The following COL19A1 variants were observed in gnomAD, a reference collection of about 807,000 sequenced individuals.
The protein encoded by COL19A1 is collagen type XIX alpha 1 chain.
Under a neutral mutation model 190.2 loss-of-function variants are expected in COL19A1, and 159 were observed. The observed-to-expected ratio is 0.84, with a 90% confidence interval of 0.73 to 0.95. COL19A1 has a LOEUF of 0.95. Among genes scored for constraint, COL19A1 ranks in the 40% least tolerant of loss-of-function variants. The probability of loss-of-function intolerance (pLI) is 0.00; values close to 1 mark genes in which losing one functional copy is unlikely to be tolerated. For synonymous variants in COL19A1, 509 were observed against 458.9 expected, an observed-to-expected ratio of 1.11 and a Z score of -1.39; for missense variants, 1,418 against 1,431.9, an observed-to-expected ratio of 0.99 and a Z score of 0.16.
chr6:70,196,073 C>G (rs1392254847), intron 48 of COL19A1, among the ~76,000 whole-genome samples: 1 of 152,148 alleles, frequency 6.6e-6, no homozygotes, highest in Non-Finnish European at 1.5e-5. Context: ...GTAGTAACCA[C>G]CTTTGGGTCA....
chr6:70,174,716 G>A (rs1035149536), intron 41 of COL19A1, among the ~76,000 whole-genome samples: 1 of 152,156 alleles, frequency 6.6e-6, no homozygotes, highest in Non-Finnish European at 1.5e-5. Flanking sequence ...ACCCTTACTG[G>A]CTTACTGGTA....
At chr6:70,148,012 A>G (rs1264348698) in intron 27 of COL19A1, among the ~76,000 whole-genome samples, 1 of 152,120 alleles carries the variant, frequency 6.6e-6, no homozygotes, top group African/African-American at 2.4e-5. Context: ...AGAGGTCTGG[A>G]AGGGTCCCTG....
intron 10 of COL19A1, 101 bp downstream of exon 10, chr6:69,960,141 C>G: frequency 8.6e-7 from 1 of 1,161,208 alleles, no homozygotes; most frequent in Non-Finnish European, 1.2e-6. Flanking sequence ...AAGCTGAATT[C>G]ACTCAAAGAC....
At chr6:69,967,503 C>T (rs1017975676) in intron 11 of COL19A1, among the ~76,000 whole-genome samples, 7 of 152,160 alleles carry the variant, frequency 4.6e-5, no homozygotes, top group African/African-American at 1.7e-4. Context: ...CTTTGATAAT[C>T]TTTATTGCTG....
intron 11 of COL19A1, among the ~76,000 whole-genome samples, chr6:69,970,725 C>A (rs901098713): frequency 1.3e-5 from 2 of 152,084 alleles, no homozygotes; most frequent in Non-Finnish European, 2.9e-5. Flanking sequence ...TGAACATCAG[C>A]GTGTTATACA....
chr6:69,971,779 T>C (rs1251435817), intron 11 of COL19A1, among the ~76,000 whole-genome samples: 2 of 152,210 alleles, frequency 1.3e-5, no homozygotes, highest in African/African-American at 4.8e-5. Flanking sequence ...CAAATTATAG[T>C]TTAAATCTGT....
At position 69,996,938 on chromosome 6, in the gene COL19A1, G is replaced by A. The variant is rs6917919; in HGVS notation, c.1027-26689G>A. Among the ~76,000 whole-genome samples, 1,261 of 143,410 alleles carry A rather than the reference G, an allele frequency of 8.8e-3. 21 individuals carry two copies. The highest frequency in any genetic ancestry group is 0.032 in the African/African-American group (1,116 of 34,658). The allele number at this position is 143,410 out of a possible 152,430, so 94.1% of individuals were successfully genotyped here. A position where few individuals can be genotyped will look rare whatever the true frequency, so the allele number is the denominator to read the frequency against. On this transcript the variant is annotated intron_variant, in intron 11 of 50. Transcript: ENST00000620364. ...GACTTGTGTGTGTGTGTGTGTGTGT[G>A]TATATATATGTATGTACATATATAG...
intron 11 of COL19A1, among the ~76,000 whole-genome samples, chr6:70,023,140 T>C (rs1778513997): frequency 6.6e-6 from 1 of 151,150 alleles, no homozygotes; most frequent in African/African-American, 2.4e-5. Context: ...GCTATTTTTT[T>C]TTTTTTTTTT....
At chr6:70,195,162 T>TAA (rs60238474) in intron 48 of COL19A1, among the ~76,000 whole-genome samples, 12 of 145,742 alleles carry the variant, frequency 8.2e-5, no homozygotes, top group African/African-American at 7.6e-5. Context: ...TATATATATA[T>TAA]AAAGAGTTAA....
At chr6:70,057,328 T>C (rs565004663) in intron 14 of COL19A1, among the ~76,000 whole-genome samples, 8 of 152,192 alleles carry the variant, frequency 5.3e-5, no homozygotes, top group African/African-American at 1.7e-4. Context: ...TCAACAAAGC[T>C]TAGAGTTAAC....
At chr6:69,997,998 T>C (rs1478020457) in intron 11 of COL19A1, among the ~76,000 whole-genome samples, 1 of 152,034 alleles carries the variant, frequency 6.6e-6, no homozygotes, top group Admixed American at 6.6e-5. Flanking sequence ...CAATTCATCA[T>C]GTACGTGAAA....
In COL19A1 at chr6:70,121,740, C is replaced by T. The variant is rs1412096875; in HGVS notation, c.1279-140C>T. 3 of 575,490 alleles carry T rather than the reference C, an allele frequency of 5.2e-6. No homozygotes were observed. In the East Asian group the frequency reaches 1.0e-4, roughly 19 times the overall value. The allele number at this position is 575,490 out of a possible 1,614,324, so 35.6% of individuals were successfully genotyped here. A position where few individuals can be genotyped will look rare whatever the true frequency, so the allele number is the denominator to read the frequency against. On this transcript the variant is annotated intron_variant, in intron 16 of 50. Transcript: ENST00000620364. ...GATAAGTTAATGCCCGTGTATTTCT[C>T]TATTAATCAGAATATTTGACTAAAT...
At chr6:69,916,838 A>G (rs1481895192) in intron 4 of COL19A1, among the ~76,000 whole-genome samples, 1 of 152,196 alleles carries the variant, frequency 6.6e-6, no homozygotes. Flanking sequence ...TTAACCAAAA[A>G]AGAAAGCTCA....
chr6:70,023,676 A>T lies in COL19A1; in HGVS notation c.1076A>T (p.Glu359Val). Reference protein sequence around the residue: ...GDPALAGLNGENGLKGDLGPH... With the variant: ...GDPALAGLNGVNGLKGDLGPH... ...CCAGCTCTGGCTGGCCTTAATGGAG[A>T]AAATGTAAGCCTAACTCTTTTTTCT... The change falls in exon 12 of 51, where the codon GAA becomes GTA. Residue 359 changes from glutamate to valine, a missense_variant. By Grantham distance (121) the Glu-to-Val change is moderately radical. Coordinates refer to ENST00000620364, the MANE Select transcript of COL19A1 (RefSeq NM_001858.6). 1 of 1,610,346 alleles carries T rather than the reference A, an allele frequency of 6.2e-7. No homozygotes were observed. The highest frequency in any genetic ancestry group is 8.5e-7 in the Non-Finnish European group (1 of 1,178,762).
chr6:70,109,809 T>G (rs1562182187), intron 16 of COL19A1, among the ~76,000 whole-genome samples: 1 of 152,108 alleles, frequency 6.6e-6, no homozygotes, highest in African/African-American at 2.4e-5. Flanking sequence ...TCATTAGAGA[T>G]GGAGAATTTC....
At chr6:70,170,767 G>A (rs1357464844) in intron 40 of COL19A1, among the ~76,000 whole-genome samples, 1 of 151,992 alleles carries the variant, frequency 6.6e-6, no homozygotes, top group Non-Finnish European at 1.5e-5. Flanking sequence ...AACATAGAAA[G>A]CATATCAGTT....
chr6:69,972,895 A>G (rs973977855), intron 11 of COL19A1, among the ~76,000 whole-genome samples: 2 of 152,204 alleles, frequency 1.3e-5, no homozygotes, highest in African/African-American at 4.8e-5. Context: ...AAGGTTGTCT[A>G]CTGGCTCCTG....
intron 14 of COL19A1, among the ~76,000 whole-genome samples, chr6:70,060,418 G>A (rs73486359): frequency 0.053 from 8,107 of 152,168 alleles, 704 homozygotes; most frequent in African/African-American, 0.19. Flanking sequence ...GTACCAGTTC[G>A]CAGCCTGTTA....
intron 44 of COL19A1, among the ~76,000 whole-genome samples, chr6:70,181,276 T>C (rs1477941186): frequency 6.6e-6 from 1 of 152,158 alleles, no homozygotes; most frequent in Admixed American, 6.5e-5. Flanking sequence ...CTGTGAAACC[T>C]TCAGGGTTGG....
Sources: allele counts gnomAD v4.1 joint callset (sites outside exome capture counted in the v4.1 genomes callset), GRCh38; gene constraint gnomAD v4.1.1; transcripts MANE v1.5; gene names NCBI Gene and HGNC (gene_info 2026-07-23, HGNC 2026-07-21).